RALYL: variants seen among roughly 807,000 people sequenced by gnomAD.
The protein encoded by RALYL is RALY RNA binding protein like.
Under a neutral mutation model 35.1 loss-of-function variants are expected in RALYL, and 29 were observed. The observed-to-expected ratio is 0.83, with a 90% CI of 0.61 to 1.13. RALYL has a LOEUF of 1.13. Among genes scored for constraint, RALYL ranks in the 50% most tolerant of loss-of-function variants. The pLI is 0.00. For synonymous variants in RALYL, 120 were observed against 127.6 expected, an observed-to-expected ratio of 0.94 and a Z score of 0.40; for missense variants, 359 against 360.4, an observed-to-expected ratio of 1.00 and a Z score of 0.03.
chr8:84,815,458 C>T lies in RALYL; in HGVS notation c.365+10656C>T, dbSNP rs1452210460. On this transcript the variant is annotated intron_variant, in intron 4 of 8. Coordinates refer to ENST00000521268, the MANE Select transcript of RALYL (RefSeq NM_173848.7). ...TTAAATTTATTATAAATACATAATA[C>T]TGAATGTTTATATTATTATAAATAA... 1.8e-4 allele frequency among the ~76,000 whole-genome samples: 26 copies of T among 146,934 alleles called. No homozygotes were observed. The South Asian group carries it at 5.5e-3, about 31-fold the overall frequency.
At chr8:84,621,329 G>A (rs1043560883) in intron 2 of RALYL, among the ~76,000 whole-genome samples, 4 of 152,198 alleles carry the variant, frequency 2.6e-5, no homozygotes, top group African/African-American at 4.8e-5. Context: ...TCGGAAAAGC[G>A]CAGTATTCGG....
At chr8:84,605,961 A>C (rs1254492876) in intron 2 of RALYL, among the ~76,000 whole-genome samples, 1 of 152,102 alleles carries the variant, frequency 6.6e-6, no homozygotes, top group African/African-American at 2.4e-5. Flanking sequence ...GAGATTCATT[A>C]ATCTGCACAC....
intron 2 of RALYL, among the ~76,000 whole-genome samples, chr8:84,773,974 T>G (rs1424824971): frequency 6.6e-6 from 1 of 152,158 alleles, no homozygotes; most frequent in Non-Finnish European, 1.5e-5. Flanking sequence ...ATCCCAACAC[T>G]TCGGGAGGCT....
At chr8:84,419,740 C>T (rs1295741391) in intron 1 of RALYL, among the ~76,000 whole-genome samples, 1 of 135,520 alleles carries the variant, frequency 7.4e-6, no homozygotes, top group Non-Finnish European at 1.5e-5. Context: ...TATTCCCCTT[C>T]CTGTGTCCAT....
intron 2 of RALYL, among the ~76,000 whole-genome samples, chr8:84,731,628 G>T (rs995267583): frequency 6.6e-6 from 1 of 152,026 alleles, no homozygotes; most frequent in Non-Finnish European, 1.5e-5. Flanking sequence ...TACTGCAGTT[G>T]CCTTCTAAAT....
chr8:84,833,798 G>C (rs996115418), intron 4 of RALYL, among the ~76,000 whole-genome samples: 1 of 151,768 alleles, frequency 6.6e-6, no homozygotes, highest in Non-Finnish European at 1.5e-5. Context: ...TTGATGCCTT[G>C]GTTCTCTCAT....
intron 2 of RALYL, among the ~76,000 whole-genome samples, chr8:84,764,790 T>C (rs1236844769): frequency 6.6e-6 from 1 of 152,236 alleles, no homozygotes; most frequent in Non-Finnish European, 1.5e-5. Context: ...TTCATTCTTA[T>C]AACACCGAAT....
intron 1 of RALYL, among the ~76,000 whole-genome samples, chr8:84,384,001 C>A (rs756114414): frequency 2.0e-5 from 3 of 151,726 alleles, no homozygotes; most frequent in Non-Finnish European, 4.4e-5. Context: ...CCATGTCCCA[C>A]TTACCATATC....
At chr8:84,539,470 C>T (rs997092550) in intron 2 of RALYL, among the ~76,000 whole-genome samples, 1 of 151,992 alleles carries the variant, frequency 6.6e-6, no homozygotes, top group Admixed American at 6.6e-5. Flanking sequence ...TGTTCTCTGG[C>T]TCTAATTTTC....
intron 2 of RALYL, among the ~76,000 whole-genome samples, chr8:84,565,513 A>G (rs2061722873): frequency 6.6e-6 from 1 of 151,606 alleles, no homozygotes; most frequent in African/African-American, 2.4e-5. Context: ...TTTTGACAGT[A>G]TTATGCATTG....
At chr8:84,814,032 G>C (rs547389661) in intron 4 of RALYL, among the ~76,000 whole-genome samples, 2 of 152,002 alleles carry the variant, frequency 1.3e-5, no homozygotes, top group South Asian at 4.2e-4. Context: ...AGTTTGCTGA[G>C]AATGATGGTT....
At chr8:84,880,594 C>A (rs981531377) in intron 7 of RALYL, among the ~76,000 whole-genome samples, 6 of 151,926 alleles carry the variant, frequency 3.9e-5, no homozygotes, top group Admixed American at 3.9e-4. Flanking sequence ...TACGCCAATA[C>A]CCAAACCCTC....
At chr8:84,228,615 T>A (rs1824549415) in intron 1 of RALYL, among the ~76,000 whole-genome samples, 1 of 152,190 alleles carries the variant, frequency 6.6e-6, no homozygotes, top group Admixed American at 6.6e-5. Context: ...ATGGAAATGT[T>A]CATCTAAGCT....
At chr8:84,311,090 A>T (rs200767244) in intron 1 of RALYL, among the ~76,000 whole-genome samples, 1,285 of 99,678 alleles carry the variant, frequency 0.013, 67 homozygotes, top group Admixed American at 0.018. Flanking sequence ...AAAAAAAAAA[A>T]ATGTATATTA....
At chr8:84,562,879 T>A (rs2061553841) in intron 2 of RALYL, among the ~76,000 whole-genome samples, 1 of 151,894 alleles carries the variant, frequency 6.6e-6, no homozygotes, top group South Asian at 2.1e-4. Context: ...AGAGAGACCT[T>A]GGGCACGAGA....
chr8:84,871,244 G>A (rs1023833869), intron 6 of RALYL, among the ~76,000 whole-genome samples: 3 of 152,148 alleles, frequency 2.0e-5, no homozygotes, highest in Non-Finnish European at 4.4e-5. Flanking sequence ...AGACTTCTAA[G>A]TTCCAGCCAG....
chr8:84,259,872 C>T (rs1405629112), intron 1 of RALYL, among the ~76,000 whole-genome samples: 2 of 152,232 alleles, frequency 1.3e-5, no homozygotes, highest in East Asian at 1.9e-4. Flanking sequence ...ACACACACTG[C>T]GTTCCCTTTC....
intron 8 of RALYL, among the ~76,000 whole-genome samples, chr8:84,907,307 G>A (rs1846657802): frequency 1.7e-5 from 1 of 59,078 alleles, no homozygotes; most frequent in Non-Finnish European, 3.6e-5. Context: ...ATAAGATATA[G>A]CGTCACACAC....
intron 1 of RALYL, among the ~76,000 whole-genome samples, chr8:84,361,289 C>A (rs183330141): frequency 3.4e-4 from 52 of 152,246 alleles, no homozygotes; most frequent in African/African-American, 1.2e-3. Flanking sequence ...GGTGTTTCAG[C>A]CTCCTGGAAT....
Sources: gnomAD v4.1 joint callset for allele counts (sites outside exome capture counted in the v4.1 genomes callset) on GRCh38, gnomAD v4.1.1 for gene constraint, MANE v1.5 for transcripts, NCBI Gene and HGNC (gene_info 2026-07-23, HGNC 2026-07-21) for gene names.